The following ANKS1B variants were observed in gnomAD, a reference collection of about 807,000 sequenced individuals.
ANKS1B encodes ankyrin repeat and sterile alpha motif domain-containing protein 1B.
In ANKS1B, 36 loss-of-function variants were observed where a neutral mutation model predicts 148.3. The observed-to-expected ratio is 0.24, with a 90% confidence interval of 0.19 to 0.32. The LOEUF (loss-of-function observed/expected upper bound fraction) is 0.32, where lower values mean the gene tolerates loss of function less well. Among genes scored for constraint, ANKS1B ranks in the 10% least tolerant of loss-of-function variants. ANKS1B has a pLI of 1.00. For missense variants in ANKS1B, 1,157 were observed against 1,542.6 expected (o/e 0.75, Z 4.19); for synonymous variants, 542 against 560.8 (o/e 0.97, Z 0.47).
rs576356456 is a variant in ANKS1B at position 99,892,165 on chromosome 12, G to A, written c.135-66776C>T. On this transcript the variant is annotated intron_variant, in intron 1 of 26. Transcript: ENST00000683438. Reference sequence around the variant, plus strand: ...ACTACAGGTGTGTACCACCATGCCCGGCTAATTTTTTGTATTTTTAGTAGA... The same window carrying A: ...ACTACAGGTGTGTACCACCATGCCCAGCTAATTTTTTGTATTTTTAGTAGA... Among the ~76,000 whole-genome samples, 6 of 152,072 alleles carry A rather than the reference G, an allele frequency of 3.9e-5. No individual in the cohort carries two copies. In the South Asian group the frequency reaches 6.2e-4, roughly 16 times the overall value.
chr12:98,774,618 C>T (rs1319977345), intron 24 of ANKS1B, among the ~76,000 whole-genome samples: 1 of 152,078 alleles, frequency 6.6e-6, no homozygotes, highest in Non-Finnish European at 1.5e-5. Context: ...GCTTTAGTTA[C>T]TCTAATTACT....
chr12:99,389,985 C>T (rs1275727023), intron 12 of ANKS1B, among the ~76,000 whole-genome samples: 1 of 152,160 alleles, frequency 6.6e-6, no homozygotes, highest in Admixed American at 6.5e-5. Context: ...GCAGGTTGAC[C>T]TGCTTGTTCC....
At chr12:99,121,578 T>C (rs1367912088) in intron 15 of ANKS1B, among the ~76,000 whole-genome samples, 2 of 152,084 alleles carry the variant, frequency 1.3e-5, no homozygotes, top group East Asian at 1.9e-4. Flanking sequence ...ATGTGGCATA[T>C]GGCCTGACCC....
intron 9 of ANKS1B, among the ~76,000 whole-genome samples, chr12:99,574,175 A>C (rs2097492190): frequency 6.6e-6 from 1 of 152,106 alleles, no homozygotes; most frequent in Admixed American, 6.6e-5. Context: ...GAATCCAATG[A>C]AATCTCTGTT....
chr12:99,597,485 A>T (rs956209109), intron 9 of ANKS1B, among the ~76,000 whole-genome samples: 8 of 152,062 alleles, frequency 5.3e-5, no homozygotes, highest in Admixed American at 6.6e-5. Flanking sequence ...CAATCATGTA[A>T]GACGTTCTCT....
rs148678454 is a variant in ANKS1B, at chr12:99,443,792, C to T, written c.1456G>A (p.Ala486Thr). Residue 486 changes from alanine (A) to threonine (T), a missense_variant, in exon 11 of 27, where the codon GCA (alanine) becomes ACA (threonine). Physicochemically the swap from Ala to Thr is moderately conservative, Grantham distance 58 (BLOSUM62 0). Around this residue, in one of 6 missense-constraint regions of ANKS1B, gnomAD observed 661 missense variants for 642.1 expected, o/e 1.03. Coordinates refer to ENST00000683438, the MANE Select transcript of ANKS1B (RefSeq NM_001352186.2). ...SPRTDNASEV[A>T]VTTPGTSNHR... ...TTACTAGTTCCTGGAGTAGTAACTG[C>T]TACCTCAGAGGCATTATCTGTGAAT... 0.016 allele frequency: 25,315 copies of T among 1,610,250 alleles called. 255 individuals are homozygous for T. The highest frequency in any genetic ancestry group is 0.018 in the Non-Finnish European group (21,166 of 1,177,718).
chr12:99,559,810 T>A (rs1483149195), intron 9 of ANKS1B, among the ~76,000 whole-genome samples: 1 of 152,192 alleles, frequency 6.6e-6, no homozygotes, highest in South Asian at 2.1e-4. Flanking sequence ...TGAAGATAAG[T>A]ATTGCTGCTT....
At chr12:99,387,015 C>T (rs75331229) in intron 12 of ANKS1B, among the ~76,000 whole-genome samples, 2,449 of 152,318 alleles carry the variant, frequency 0.016, 69 homozygotes, top group African/African-American at 0.056. Flanking sequence ...ATGCTGGACA[C>T]TGTGGATACA....
intron 12 of ANKS1B, among the ~76,000 whole-genome samples, chr12:99,269,375 C>T (rs192394414): frequency 2.5e-4 from 38 of 152,248 alleles, no homozygotes; most frequent in South Asian, 8.3e-4. Flanking sequence ...TTAAATGCTT[C>T]TTGTATGCAG....
intron 17 of ANKS1B, among the ~76,000 whole-genome samples, chr12:99,010,290 T>G (rs1161344786): frequency 2.0e-5 from 3 of 152,218 alleles, no homozygotes; most frequent in Non-Finnish European, 4.4e-5. Flanking sequence ...ACAGGAGTAA[T>G]ATTGGTCCCT....
In ANKS1B at chr12:99,053,652, T is replaced by A. The variant is rs539205261; in HGVS notation, c.2626-343A>T. ...GTCAGTTGAATGGCATTAAATTCGA[T>A]GCGAAAGTCACCAGGAAGTGCACTT... On this transcript the variant is annotated intron_variant, in intron 16 of 26. Coordinates refer to ENST00000683438, the MANE Select transcript of ANKS1B (RefSeq NM_001352186.2). Among the ~76,000 whole-genome samples the A allele has an allele frequency of 2.6e-4, 39 of 152,328 alleles. No individual in the cohort carries two copies. In the South Asian group the frequency reaches 5.8e-3, roughly 23 times the overall value.
intron 15 of ANKS1B, among the ~76,000 whole-genome samples, chr12:99,105,788 A>C (rs928184572): frequency 2.1e-4 from 32 of 151,576 alleles, no homozygotes; most frequent in African/African-American, 7.5e-4. Context: ...AAAAAAAAAA[A>C]ACTAAAACTA....
intron 9 of ANKS1B, among the ~76,000 whole-genome samples, chr12:99,637,802 T>TAA (rs1555522682): frequency 6.8e-6 from 1 of 146,962 alleles, no homozygotes; most frequent in Non-Finnish European, 1.5e-5. Context: ...TATATATATA[T>TAA]AATATATATA....
chr12:99,559,650 T>G (rs142873180), intron 9 of ANKS1B, among the ~76,000 whole-genome samples: 8 of 152,308 alleles, frequency 5.3e-5, no homozygotes, highest in African/African-American at 1.9e-4. Context: ...TGAGGTAGGT[T>G]TTATTTTCCC....
At chr12:99,681,751 G>T (rs2098619278) in intron 8 of ANKS1B, among the ~76,000 whole-genome samples, 1 of 152,126 alleles carries the variant, frequency 6.6e-6, no homozygotes, top group Admixed American at 6.5e-5. Context: ...AAACCAAAAA[G>T]ACAACTCTGC....
intron 17 of ANKS1B, among the ~76,000 whole-genome samples, chr12:98,936,363 T>A (rs1407628238): frequency 2.6e-5 from 4 of 152,194 alleles, no homozygotes; most frequent in Non-Finnish European, 4.4e-5. Context: ...GCATGGTGGC[T>A]CATGCCTGTA....
At chr12:99,306,702 G>T (rs2082396799) in intron 12 of ANKS1B, among the ~76,000 whole-genome samples, 2 of 152,136 alleles carry the variant, frequency 1.3e-5, no homozygotes, top group African/African-American at 4.8e-5. Context: ...TTTTCCCAAT[G>T]CAGTATAATT....
At chr12:98,887,480 T>C (rs1208228476) in intron 17 of ANKS1B, among the ~76,000 whole-genome samples, 1 of 152,204 alleles carries the variant, frequency 6.6e-6, no homozygotes, top group Non-Finnish European at 1.5e-5. Flanking sequence ...TGATCAAACC[T>C]CTTAACATTT....
intron 9 of ANKS1B, among the ~76,000 whole-genome samples, chr12:99,523,571 T>C (rs2096896736): frequency 6.7e-6 from 1 of 148,902 alleles, no homozygotes; most frequent in Non-Finnish European, 1.5e-5. Context: ...TTTTTTTTTT[T>C]GAGACGGAGT....
Sources: gnomAD v4.1 joint callset for allele counts (sites outside exome capture counted in the v4.1 genomes callset) on GRCh38, gnomAD v4.1.1 for gene constraint, gnomAD v4.1.1 regional missense constraint, MANE v1.5 for transcripts, NCBI Gene and HGNC (gene_info 2026-07-23, HGNC 2026-07-21) for gene names.